Variants in CTSC observed in about 807,000 individuals in gnomAD.
CTSC encodes the protein cathepsin C.
A neutral mutation model predicts 40.9 loss-of-function variants in CTSC; 37 were observed. The ratio of observed to expected loss-of-function variants is 0.91; its 90% confidence interval spans 0.70 to 1.19. The LOEUF is 1.19. Ranked by LOEUF, CTSC falls within the 50% of genes most tolerant of loss-of-function variation. The probability of loss-of-function intolerance (pLI) is 0.00; values close to 1 mark genes in which losing one functional copy is unlikely to be tolerated. For missense variants in CTSC, 594 were observed against 567.3 expected, an observed-to-expected ratio of 1.05 and a Z score of -0.48; for synonymous variants, 232 against 207.4, an observed-to-expected ratio of 1.12 and a Z score of -1.02.
chr11:88,328,264 A>G, intron 2 of CTSC: 2 of 1,146,340 alleles, frequency 1.7e-6, no homozygotes, highest in Non-Finnish European at 2.6e-6. Context: ...GAAAGAAGAC[A>G]TAAAATAGTT....
At position 88,294,190 on chromosome 11, in the gene CTSC, G is replaced by C; in HGVS notation, c.1208C>G (p.Thr403Ser). Residue 403 changes from threonine to serine, a missense_variant, in exon 7 of 7, where the codon ACT becomes AGT. Transcript: ENST00000227266. ...LRDPFNPFEL[T>S]NHAVLLVGYG... ...GCCCACAAGCAGAACAGCATGATTA[G>C]TCAGCTCAAAGGGGTTGAAAGGGTC... 7 of 1,613,928 alleles carry C rather than the reference G, an allele frequency of 4.3e-6. No individual in the cohort carries two copies. Among genetic ancestry groups the C allele is most frequent in the Non-Finnish European group, 5.9e-6 (7 of 1,179,986 alleles).
chr11:88,315,375 T>C (rs1433029935), intron 2 of CTSC, among the ~76,000 whole-genome samples: 1 of 152,202 alleles, frequency 6.6e-6, no homozygotes, highest in Non-Finnish European at 1.5e-5. Flanking sequence ...TAGAATGTCC[T>C]AGAAAATGCC....
intron 2 of CTSC, among the ~76,000 whole-genome samples, chr11:88,330,889 A>G (rs1292315673): frequency 1.3e-5 from 2 of 152,224 alleles, no homozygotes; most frequent in African/African-American, 4.8e-5. Context: ...CTGAATAAAC[A>G]GAACTTAATA....
chr11:88,294,321 CA>C lies in CTSC; in HGVS notation c.1076del (p.Leu359ArgfsTer2). 6.2e-7 allele frequency: 1 copy of C among 1,614,148 alleles called. No individual in the cohort carries two copies. The highest frequency in any genetic ancestry group is 1.7e-5 in the Admixed American group (1 of 60,012). On this transcript the variant is annotated frameshift_variant, in exon 7 of 7. Transcript: ENST00000227266. LOFTEE classifies it high-confidence loss of function. ...CATGATGGACCAACTCAAGCTTCAT[CA>C]GGGCTTCATTGCAGCCTCCATAGAA... ...GGFYGGCNEA[L>X]MKLELVHHGP...
chr11:88,335,695 G>A (rs188367822), intron 1 of CTSC, among the ~76,000 whole-genome samples: 2 of 152,314 alleles, frequency 1.3e-5, no homozygotes, highest in East Asian at 3.9e-4. Context: ...AAGGAGAAAT[G>A]GGGAATGTTG....
intron 2 of CTSC, among the ~76,000 whole-genome samples, chr11:88,313,410 G>A (rs1302721408): frequency 1.3e-5 from 2 of 152,124 alleles, no homozygotes; most frequent in African/African-American, 4.8e-5. Context: ...AGCATATTCT[G>A]ATCATGAGGG....
At chr11:88,333,828 C>T (rs1240883099) in intron 2 of CTSC, among the ~76,000 whole-genome samples, 1 of 152,146 alleles carries the variant, frequency 6.6e-6, no homozygotes, top group Non-Finnish European at 1.5e-5. Flanking sequence ...TTTCCACCAG[C>T]TGCATATCAC....
intron 2 of CTSC, among the ~76,000 whole-genome samples, chr11:88,331,517 C>T (rs748815703): frequency 2.0e-5 from 3 of 152,194 alleles, no homozygotes; most frequent in East Asian, 1.9e-4. Context: ...TCTGTCCCTG[C>T]GGAGTTAGGG....
intron 2 of CTSC, chr11:88,326,260 C>A: frequency 6.5e-7 from 1 of 1,548,838 alleles, no homozygotes; most frequent in South Asian, 1.2e-5. Flanking sequence ...GGAGGTAGGT[C>A]ACCAGGACTC....
At chr11:88,295,694 T>G (rs949344108) in intron 6 of CTSC, among the ~76,000 whole-genome samples, 4 of 152,046 alleles carry the variant, frequency 2.6e-5, no homozygotes, top group Admixed American at 2.6e-4. Flanking sequence ...AGTACAGAAT[T>G]TTAAAATTCT....
At chr11:88,295,508 T>C (rs1248778016) in intron 6 of CTSC, among the ~76,000 whole-genome samples, 1 of 151,996 alleles carries the variant, frequency 6.6e-6, no homozygotes, top group African/African-American at 2.4e-5. Flanking sequence ...GCCTCCTGAA[T>C]AGCTGGGACT....
intron 2 of CTSC, among the ~76,000 whole-genome samples, chr11:88,320,299 A>G (rs1937970442): frequency 6.6e-6 from 1 of 152,240 alleles, no homozygotes; most frequent in Non-Finnish European, 1.5e-5. Context: ...CATTAAAACC[A>G]AAATACACAC....
At chr11:88,314,971 G>T (rs755642794) in intron 2 of CTSC, among the ~76,000 whole-genome samples, 4 of 152,200 alleles carry the variant, frequency 2.6e-5, no homozygotes, top group Non-Finnish European at 5.9e-5. Flanking sequence ...CCAGGACATT[G>T]TTGGGCAGCA....
intron 4 of CTSC, among the ~76,000 whole-genome samples, chr11:88,306,776 C>G (rs961162130): frequency 1.2e-4 from 18 of 152,368 alleles, no homozygotes; most frequent in African/African-American, 4.3e-4. Flanking sequence ...ACATTGGACC[C>G]CTGCCCTTGC....
At chr11:88,316,043 C>A (rs1937870523) in intron 2 of CTSC, among the ~76,000 whole-genome samples, 1 of 152,040 alleles carries the variant, frequency 6.6e-6, no homozygotes, top group African/African-American at 2.4e-5. Context: ...TTAACTGACT[C>A]ATGAGTCACG....
Position 88,293,755 on chromosome 11 carries a change from C to T in CTSC, c.*251G>A, listed in dbSNP as rs1944266535. ...CATGTTTGAATTACAAATGATTAAG[C>T]AAACTCTATTACTTCATAGCTGACC... On this transcript the variant is annotated 3_prime_UTR_variant, in exon 7 of 7. Coordinates refer to ENST00000227266, the MANE Select transcript of CTSC (RefSeq NM_001814.6). The T allele has an allele frequency of 2.0e-6, 1 of 512,744 alleles. No homozygotes were observed. Among genetic ancestry groups the T allele is most frequent in the African/African-American group, 1.9e-5 (1 of 52,476 alleles). The allele number at this position is 512,744 out of a possible 1,614,324, so 31.8% of individuals were successfully genotyped here.
chr11:88,330,733 C>T (rs1938328887), intron 2 of CTSC, among the ~76,000 whole-genome samples: 1 of 152,186 alleles, frequency 6.6e-6, no homozygotes, highest in South Asian at 2.1e-4. Flanking sequence ...TTTATTCCTT[C>T]CAAACTTTTA....
intron 2 of CTSC, among the ~76,000 whole-genome samples, chr11:88,318,517 T>G (rs1441574812): frequency 1.3e-5 from 2 of 152,214 alleles, no homozygotes; most frequent in African/African-American, 4.8e-5. Context: ...AACTGCCAAC[T>G]GGGCAGCTGA....
chr11:88,331,351 C>A (rs1381448815), intron 2 of CTSC, among the ~76,000 whole-genome samples: 1 of 152,198 alleles, frequency 6.6e-6, no homozygotes, highest in Non-Finnish European at 1.5e-5. Context: ...TTCCCATAAC[C>A]CCCTCTTTGG....
Sources: gnomAD v4.1 joint callset for allele counts (sites outside exome capture counted in the v4.1 genomes callset) on GRCh38, gnomAD v4.1.1 for gene constraint, MANE v1.5 for transcripts, NCBI Gene and HGNC (gene_info 2026-07-23, HGNC 2026-07-21) for gene names.